Variants in STX8 observed in about 807,000 individuals in gnomAD.
STX8 encodes syntaxin 8.
Under a neutral mutation model 37.5 loss-of-function variants are expected in STX8, and 23 were observed. That is an observed-to-expected ratio of 0.61 (90% CI 0.44 to 0.87). The LOEUF is 0.87. Ranked by LOEUF, STX8 falls within the 40% of genes least tolerant of loss-of-function variation. The pLI, the probability that STX8 is intolerant of heterozygous loss-of-function variation, is 0.00. For synonymous variants in STX8, 115 were observed against 99.1 expected (o/e 1.16, Z -0.95); for missense variants, 313 against 284.7 (o/e 1.10, Z -0.71).
intron 7 of STX8, among the ~76,000 whole-genome samples, chr17:9,297,348 T>C (rs1299017768): frequency 1.3e-5 from 2 of 152,138 alleles, no homozygotes; most frequent in Non-Finnish European, 2.9e-5. Flanking sequence ...ATCTCATCAC[T>C]GTCACCCTTC....
At chr17:9,369,886 C>CAAAAAAAAAAA (rs60178482) in intron 7 of STX8, among the ~76,000 whole-genome samples, 47 of 52,036 alleles carry the variant, frequency 9.0e-4, no homozygotes, top group Non-Finnish European at 1.3e-3. Flanking sequence ...GACCCTGTAC[C>CAAAAAAAAAAA]AAAAAAAAAA....
chr17:9,399,132 G>C (rs1330589312), intron 6 of STX8, among the ~76,000 whole-genome samples: 2 of 151,826 alleles, frequency 1.3e-5, no homozygotes, highest in African/African-American at 4.8e-5. Context: ...GAACAGGAAA[G>C]GGTGCAGCAA....
chr17:9,285,046 C>G (rs553071756), intron 7 of STX8, among the ~76,000 whole-genome samples: 4 of 152,194 alleles, frequency 2.6e-5, no homozygotes, highest in East Asian at 1.9e-4. Context: ...GCCCCACCCC[C>G]CTGGAGATTC....
intron 6 of STX8, among the ~76,000 whole-genome samples, chr17:9,383,318 T>C (rs1911882153): frequency 6.6e-6 from 1 of 152,246 alleles, no homozygotes; most frequent in South Asian, 2.1e-4. Flanking sequence ...TCTAAATGCA[T>C]ATATTAGTAA....
At chr17:9,453,094 C>T (rs1905092228) in intron 6 of STX8, among the ~76,000 whole-genome samples, 1 of 152,160 alleles carries the variant, frequency 6.6e-6, no homozygotes, top group Admixed American at 6.5e-5. Context: ...GCGTGAGCCA[C>T]CGCGCCTGGC....
intron 7 of STX8, among the ~76,000 whole-genome samples, chr17:9,270,523 G>A (rs781374046): frequency 8.3e-4 from 127 of 152,186 alleles, no homozygotes; most frequent in Admixed American, 1.7e-3. Context: ...CAAAGTGCTG[G>A]GATTACAGGC....
intron 4 of STX8, among the ~76,000 whole-genome samples, chr17:9,509,818 CAT>C (rs1473417945): frequency 7.4e-6 from 1 of 134,314 alleles, no homozygotes; most frequent in African/African-American, 2.7e-5. Flanking sequence ...CATTAAAAGA[CAT>C]AGACTGGATA....
intron 7 of STX8, among the ~76,000 whole-genome samples, chr17:9,339,115 G>GA (rs1346156385): frequency 6.8e-6 from 1 of 148,034 alleles, no homozygotes. Flanking sequence ...TCTTAAATAT[G>GA]AAAGCCAGAG....
rs1908928511 is a variant in STX8 at position 9,305,098 on chromosome 17, T to A, written c.644-54453A>T. 4.6e-5 allele frequency among the ~76,000 whole-genome samples: 7 copies of A among 151,896 alleles called. No homozygotes were observed. In the South Asian group the frequency reaches 1.5e-3, roughly 32 times the overall value. On this transcript the variant is annotated intron_variant, in intron 7 of 7. Coordinates refer to ENST00000306357, the MANE Select transcript of STX8 (RefSeq NM_004853.3). ...TACATGAGATATTAAATATTATTATTATTATTATTTTTTGAGATGGAGTCT... is the reference window on the plus strand; with the variant it reads ...TACATGAGATATTAAATATTATTATAATTATTATTTTTTGAGATGGAGTCT...
intron 4 of STX8, among the ~76,000 whole-genome samples, chr17:9,522,650 T>C (rs1037857489): frequency 6.6e-6 from 1 of 151,412 alleles, no homozygotes; most frequent in Non-Finnish European, 1.5e-5. Flanking sequence ...AGGCGGAGCT[T>C]GCAGTGAGCC....
At chr17:9,501,900 T>C (rs1359245210) in intron 5 of STX8, among the ~76,000 whole-genome samples, 5 of 150,938 alleles carry the variant, frequency 3.3e-5, no homozygotes, top group Non-Finnish European at 5.9e-5. Flanking sequence ...ACCTGAGAGG[T>C]GGAGCTTGCA....
intron 7 of STX8, among the ~76,000 whole-genome samples, chr17:9,327,242 G>GA (rs1567784962): frequency 2.4e-3 from 334 of 140,102 alleles, no homozygotes; most frequent in African/African-American, 8.8e-3. Context: ...AAGGAGGACA[G>GA]AGGAGGAAGG....
intron 6 of STX8, among the ~76,000 whole-genome samples, chr17:9,440,921 G>A (rs1850354160): frequency 6.6e-6 from 1 of 152,064 alleles, no homozygotes; most frequent in South Asian, 2.1e-4. Context: ...AAGCATTTCA[G>A]TTTCCCCAAA....
intron 2 of STX8, among the ~76,000 whole-genome samples, chr17:9,567,892 C>G (rs1037236896): frequency 6.6e-6 from 1 of 152,088 alleles, no homozygotes; most frequent in African/African-American, 2.4e-5. Flanking sequence ...CCCCATGTTG[C>G]CCAGGCTGGT....
At chr17:9,327,929 G>A (rs909218059) in intron 7 of STX8, among the ~76,000 whole-genome samples, 1 of 119,716 alleles carries the variant, frequency 8.4e-6, no homozygotes, top group African/African-American at 3.2e-5. Flanking sequence ...TCTTCCTTCT[G>A]TCCTTCCTTC....
intron 7 of STX8, among the ~76,000 whole-genome samples, chr17:9,328,804 C>T (rs1434906917): frequency 6.6e-6 from 1 of 152,074 alleles, no homozygotes; most frequent in African/African-American, 2.4e-5. Flanking sequence ...AATCCCAGCA[C>T]TTTGGGAGGC....
rs184671871 is a variant in STX8, at chr17:9,472,636, A to G, written c.541+19193T>C. On this transcript the variant is annotated intron_variant, in intron 6 of 7. Transcript: ENST00000306357. Reference sequence around the variant, plus strand: ...CTCTCTTTTTGGCTTGCTTTTTTGAAGTCCCTTCTCCAATTCAGCTGCTAC... The same window carrying G: ...CTCTCTTTTTGGCTTGCTTTTTTGAGGTCCCTTCTCCAATTCAGCTGCTAC... 1.1e-4 allele frequency among the ~76,000 whole-genome samples: 16 copies of G among 152,196 alleles called. No homozygotes were observed. In the East Asian group the frequency reaches 2.3e-3, roughly 22 times the overall value.
intron 6 of STX8, among the ~76,000 whole-genome samples, chr17:9,419,758 T>C (rs528134843): frequency 3.5e-4 from 53 of 152,294 alleles, no homozygotes; most frequent in African/African-American, 1.3e-3. Flanking sequence ...TTTGCTCTTA[T>C]GGACCTGAAT....
At chr17:9,300,349 G>A (rs2244363) in intron 7 of STX8, among the ~76,000 whole-genome samples, 54,114 of 121,312 alleles carry the variant, frequency 0.45, 13,247 homozygotes, top group Middle Eastern at 0.63. Flanking sequence ...AAAAAAAAAA[G>A]AAAGAAAGAA....
Sources: allele counts gnomAD v4.1 joint callset (sites outside exome capture counted in the v4.1 genomes callset), GRCh38; gene constraint gnomAD v4.1.1; transcripts MANE v1.5; gene names NCBI Gene and HGNC (gene_info 2026-07-23, HGNC 2026-07-21).